Variants in TLN2 observed in about 807,000 individuals in gnomAD.
TLN2 encodes talin 2.
In TLN2, 118 loss-of-function variants were observed where a neutral mutation model predicts 294.7. The ratio of observed to expected loss-of-function variants is 0.40; its 90% CI spans 0.34 to 0.47. TLN2 has a LOEUF of 0.47. TLN2 is among the 20% of genes least tolerant of loss of function. The pLI, the probability that TLN2 is intolerant of heterozygous loss-of-function variation, is 0.84. For synonymous variants in TLN2, 1,431 were observed against 1,304.5 expected (o/e 1.10, Z -2.09); for missense variants, 3,083 against 3,282.2 (o/e 0.94, Z 1.48).
At chr15:62,548,862 G>A (rs2042135705) in intron 1 of TLN2, among the ~76,000 whole-genome samples, 1 of 152,092 alleles carries the variant, frequency 6.6e-6, no homozygotes, top group African/African-American at 2.4e-5. Flanking sequence ...GTCGACTCAA[G>A]GATAAAATTA....
intron 1 of TLN2, among the ~76,000 whole-genome samples, chr15:62,445,035 C>T (rs1277353893): frequency 1.3e-5 from 2 of 152,138 alleles, no homozygotes; most frequent in Non-Finnish European, 2.9e-5. Flanking sequence ...GGCAAATGCC[C>T]AGTGTCAGCT....
chr15:62,690,211 G>T (rs1311078573), intron 12 of TLN2: 1 of 160,526 alleles, frequency 6.2e-6, no homozygotes, highest in Non-Finnish European at 1.3e-5. Flanking sequence ...TCACTTCCCA[G>T]ACGGGGTGGC....
Position 62,724,894 on chromosome 15 carries a change from A to G in TLN2, c.3127-82A>G, listed in dbSNP as rs2060352224. The G allele has an allele frequency of 2.6e-6, 4 of 1,517,732 alleles. No individual in the cohort carries two copies. The Admixed American group carries it at 5.7e-5, about 22-fold the overall frequency. The allele number at this position is 1,517,732 out of a possible 1,614,324, so 94.0% of individuals were successfully genotyped here. A position where few individuals can be genotyped will look rare whatever the true frequency, so the allele number is the denominator to read the frequency against. ...TGGAGAATCACTGGGTATATCCAGA[A>G]GGGCATTTTATAAGTTGCAAAAGTG... On this transcript the variant is annotated intron_variant, in intron 26 of 58. Coordinates refer to ENST00000636159, the MANE Select transcript of TLN2 (RefSeq NM_015059.3).
At chr15:62,537,024 G>GT (rs11331926) in intron 1 of TLN2, among the ~76,000 whole-genome samples, 12,930 of 144,628 alleles carry the variant, frequency 0.089, 724 homozygotes, top group Middle Eastern at 0.22. Context: ...TCATTGTAGT[G>GT]TTTTTTTTTT....
At chr15:62,441,290 G>T (rs2035532600) in intron 1 of TLN2, among the ~76,000 whole-genome samples, 1 of 152,182 alleles carries the variant, frequency 6.6e-6, no homozygotes, top group Non-Finnish European at 1.5e-5. Flanking sequence ...GGAGTGCAGT[G>T]GCACAATCAT....
chr15:62,532,901 T>TG (rs1304787702), intron 1 of TLN2, among the ~76,000 whole-genome samples: 4 of 152,180 alleles, frequency 2.6e-5, no homozygotes, highest in Non-Finnish European at 4.4e-5. Context: ...CTAGATCAGA[T>TG]GGCAGTTAGC....
rs75077274 is a variant in TLN2, at chr15:62,480,457, C to G, written c.-238+89772C>G. Among the ~76,000 whole-genome samples, 68 of 152,288 alleles carry G rather than the reference C, an allele frequency of 4.5e-4. No individual in the cohort carries two copies. The East Asian group carries it at 0.013, about 29-fold the overall frequency. ...CAGGCTGATCTCAAACTCCTGGCCT[C>G]AAGTGATAACAGCCACCTCGGCCTC... On this transcript the variant is annotated intron_variant, in intron 1 of 58. Transcript: ENST00000636159.
intron 1 of TLN2, among the ~76,000 whole-genome samples, chr15:62,500,371 C>G (rs147815609): frequency 1.9e-4 from 29 of 152,244 alleles, no homozygotes; most frequent in Non-Finnish European, 3.5e-4. Flanking sequence ...ATGAATGCAG[C>G]AGGGCTTTCT....
chr15:62,586,108 C>T (rs1423961429), intron 1 of TLN2, among the ~76,000 whole-genome samples: 1 of 152,202 alleles, frequency 6.6e-6, no homozygotes, highest in Admixed American at 6.5e-5. Context: ...TGTGCTGTTG[C>T]TTTCCCTAAA....
intron 45 of TLN2, among the ~76,000 whole-genome samples, chr15:62,788,804 A>T (rs535247055): frequency 2.0e-5 from 3 of 152,352 alleles, no homozygotes; most frequent in African/African-American, 7.2e-5. Context: ...CCAGCAGTAC[A>T]CATTCATATG....
chr15:62,631,899 G>A (rs1392260762), intron 3 of TLN2, among the ~76,000 whole-genome samples: 1 of 152,000 alleles, frequency 6.6e-6, no homozygotes, highest in Non-Finnish European at 1.5e-5. Context: ...TTATAGTGAG[G>A]TATTTTTTAA....
rs1379157976 is a variant in TLN2 at position 62,665,462 on chromosome 15, C to T, written c.788+7564C>T. On this transcript the variant is annotated intron_variant, in intron 9 of 58. Coordinates refer to ENST00000636159, the MANE Select transcript of TLN2 (RefSeq NM_015059.3). Reference sequence around the variant, plus strand: ...ACATGGCAAAGGCAAAAGTAATAGGCACTGGAGGCCAGACAGAAAGGTTCC... The same window carrying T: ...ACATGGCAAAGGCAAAAGTAATAGGTACTGGAGGCCAGACAGAAAGGTTCC... 3.9e-5 allele frequency among the ~76,000 whole-genome samples: 6 copies of T among 152,160 alleles called. 1 individual carries two copies. In the South Asian group the frequency reaches 6.2e-4, roughly 16 times the overall value.
In TLN2 at chr15:62,763,550, C is replaced by G; in HGVS notation, c.4962-13C>G. On this transcript the variant is annotated splice_polypyrimidine_tract_variant and intron_variant, in intron 39 of 58. Transcript: ENST00000636159. ...CCATGGAGCCTGTGTCCAACTTGCA[C>G]TATTCCTTCCAGGGACAAGGCCCCT... 5.0e-6 allele frequency: 8 copies of G among 1,600,064 alleles called. No homozygotes were observed. The South Asian group carries it at 6.6e-5, about 13-fold the overall frequency.
At chr15:62,586,024 GAGAGGT>G (rs2140714190) in intron 1 of TLN2, among the ~76,000 whole-genome samples, 1 of 146,724 alleles carries the variant, frequency 6.8e-6, no homozygotes, top group East Asian at 2.3e-4. Flanking sequence ...CTGAGGCACA[GAGAGGT>G]TAAGGCATAC....
At chr15:62,757,669 G>C (rs548370036) in intron 37 of TLN2, among the ~76,000 whole-genome samples, 1 of 152,114 alleles carries the variant, frequency 6.6e-6, no homozygotes, top group Non-Finnish European at 1.5e-5. Context: ...ATGAGCTCTC[G>C]TGATGGCCTA....
intron 1 of TLN2, among the ~76,000 whole-genome samples, chr15:62,469,223 A>G (rs926342742): frequency 1.3e-5 from 2 of 152,246 alleles, no homozygotes; most frequent in Non-Finnish European, 2.9e-5. Context: ...CAGACTTCTC[A>G]TCTAAGACAA....
At chr15:62,601,036 T>TA (rs1159390785) in intron 2 of TLN2, among the ~76,000 whole-genome samples, 2 of 152,204 alleles carry the variant, frequency 1.3e-5, no homozygotes, top group Admixed American at 6.5e-5. Context: ...TCTCTAATAT[T>TA]TTCGTCTTTG....
intron 1 of TLN2, among the ~76,000 whole-genome samples, chr15:62,467,615 G>A (rs1333509146): frequency 6.6e-6 from 1 of 152,132 alleles, no homozygotes; most frequent in East Asian, 1.9e-4. Context: ...TCGCCAAGAG[G>A]TAGAGGTTGC....
intron 1 of TLN2, among the ~76,000 whole-genome samples, chr15:62,524,281 T>C (rs183388670): frequency 5.3e-5 from 8 of 152,326 alleles, no homozygotes; most frequent in Non-Finnish European, 2.9e-5. Flanking sequence ...ATCATCAGCT[T>C]TCACAAAGCT....
Sources: gnomAD v4.1 joint callset for allele counts (sites outside exome capture counted in the v4.1 genomes callset) on GRCh38, gnomAD v4.1.1 for gene constraint, MANE v1.5 for transcripts, NCBI Gene and HGNC (gene_info 2026-07-23, HGNC 2026-07-21) for gene names.